CYP39A1: variants seen among roughly 807,000 people sequenced by gnomAD.
CYP39A1 encodes the protein cytochrome P450 family 39 subfamily A member 1.
A neutral mutation model predicts 58.1 loss-of-function variants in CYP39A1; 49 were observed. That is an observed-to-expected ratio of 0.84 (90% confidence interval 0.67 to 1.07). The LOEUF (loss-of-function observed/expected upper bound fraction) is 1.07, where lower values mean the gene tolerates loss of function less well. Among genes scored for constraint, CYP39A1 ranks in the 50% least tolerant of loss-of-function variants. The pLI is 0.00. For synonymous variants in CYP39A1, 209 were observed against 187.6 expected (o/e 1.11, Z -0.93); for missense variants, 531 against 539.4 (o/e 0.98, Z 0.16).
At chr6:46,550,530 A>T in intron 11 of CYP39A1, 93 bp from the exon 12 acceptor site, 1 of 1,168,630 alleles carries the variant, frequency 8.6e-7, no homozygotes, top group Non-Finnish European at 1.2e-6. Context: ...TTCTCTAAAA[A>T]GTACAAAATT....
At chr6:46,566,950 C>T (rs1012765614) in intron 10 of CYP39A1, among the ~76,000 whole-genome samples, 1 of 151,904 alleles carries the variant, frequency 6.6e-6, no homozygotes, top group Admixed American at 6.6e-5. Flanking sequence ...TTAACATATC[C>T]GTCACCTCAT....
rs184552036 is a variant in CYP39A1 at position 46,557,208 on chromosome 6, C to T, written c.1251-3354G>A. On this transcript the variant is annotated intron_variant, in intron 10 of 11. Coordinates refer to ENST00000275016, the MANE Select transcript of CYP39A1 (RefSeq NM_016593.5). ...AATAGGTTATTAACTTATAAAATAA[C>T]GAAGTCTAACATACATGTTATTAGA... Among the ~76,000 whole-genome samples, 94 of 151,848 alleles carry T rather than the reference C, an allele frequency of 6.2e-4. 1 individual carries two copies. The highest frequency in any genetic ancestry group is 1.0e-3 in the Non-Finnish European group (71 of 67,962).
chr6:46,554,201 G>C (rs1770554034), intron 10 of CYP39A1, among the ~76,000 whole-genome samples: 1 of 152,162 alleles, frequency 6.6e-6, no homozygotes, highest in South Asian at 2.1e-4. Context: ...TAATAAATAA[G>C]TTTAAGATTA....
At chr6:46,613,645 C>T (rs1055520678) in intron 7 of CYP39A1, among the ~76,000 whole-genome samples, 2 of 149,302 alleles carry the variant, frequency 1.3e-5, no homozygotes, top group African/African-American at 4.9e-5. Context: ...TGTTAAAAAG[C>T]ATAGGTGGAA....
At chr6:46,562,442 A>T (rs1275966456) in intron 10 of CYP39A1, among the ~76,000 whole-genome samples, 3 of 152,128 alleles carry the variant, frequency 2.0e-5, no homozygotes, top group African/African-American at 7.2e-5. Flanking sequence ...ATCATATAGT[A>T]CATCATAATT....
chr6:46,560,678 T>C (rs2150482815), intron 10 of CYP39A1, among the ~76,000 whole-genome samples: 2 of 152,212 alleles, frequency 1.3e-5, no homozygotes, highest in Middle Eastern at 6.8e-3. Context: ...GGGTCAGAGA[T>C]AGAAGATTTA....
chr6:46,628,621 A>G (rs1253096823), intron 6 of CYP39A1, among the ~76,000 whole-genome samples: 2 of 152,162 alleles, frequency 1.3e-5, no homozygotes, highest in African/African-American at 4.8e-5. Flanking sequence ...TCTGAGTCCT[A>G]TGGGCCTTGA....
At chr6:46,604,045 G>A (rs1773679564) in intron 7 of CYP39A1, among the ~76,000 whole-genome samples, 1 of 152,140 alleles carries the variant, frequency 6.6e-6, no homozygotes, top group Admixed American at 6.5e-5. Context: ...CTTTCCCTAA[G>A]AGGTAGTCTA....
At chr6:46,639,231 C>T (rs1294885305) in intron 3 of CYP39A1, among the ~76,000 whole-genome samples, 1 of 151,958 alleles carries the variant, frequency 6.6e-6, no homozygotes, top group Non-Finnish European at 1.5e-5. Flanking sequence ...TAAATTACTG[C>T]AAATGTATTA....
intron 10 of CYP39A1, among the ~76,000 whole-genome samples, chr6:46,555,351 A>G (rs1305432155): frequency 6.6e-6 from 1 of 152,226 alleles, no homozygotes; most frequent in African/African-American, 2.4e-5. Context: ...TCTTAGCCAC[A>G]GCTGCTACTG....
At chr6:46,607,189 C>G (rs1371617493) in intron 7 of CYP39A1, among the ~76,000 whole-genome samples, 1 of 152,054 alleles carries the variant, frequency 6.6e-6, no homozygotes, top group Non-Finnish European at 1.5e-5. Context: ...ATCCTGGAAA[C>G]AAGAACACAC....
At chr6:46,554,430 C>T (rs566982468) in intron 10 of CYP39A1, among the ~76,000 whole-genome samples, 1 of 152,290 alleles carries the variant, frequency 6.6e-6, no homozygotes, top group South Asian at 2.1e-4. Context: ...TCCCCAGGAC[C>T]TCTAAATCCA....
At chr6:46,557,371 T>C (rs909013746) in intron 10 of CYP39A1, among the ~76,000 whole-genome samples, 15 of 151,782 alleles carry the variant, frequency 9.9e-5, no homozygotes, top group Non-Finnish European at 1.5e-4. Context: ...CTGGGTGCAG[T>C]GGTTCATGCC....
intron 2 of CYP39A1, among the ~76,000 whole-genome samples, 157 bp from the exon 3 acceptor site, chr6:46,639,825 C>A (rs940546552): frequency 6.6e-6 from 1 of 152,160 alleles, no homozygotes; most frequent in Non-Finnish European, 1.5e-5. Flanking sequence ...AAGATTCAAC[C>A]TATTCTCGAC....
intron 7 of CYP39A1, among the ~76,000 whole-genome samples, chr6:46,614,109 A>C (rs1390339647): frequency 3.3e-5 from 5 of 152,152 alleles, no homozygotes; most frequent in African/African-American, 7.2e-5. Flanking sequence ...GATACTAAAT[A>C]GCTTAATGTC....
At chr6:46,551,061 G>A (rs1193613249) in intron 11 of CYP39A1, among the ~76,000 whole-genome samples, 1 of 151,838 alleles carries the variant, frequency 6.6e-6, no homozygotes, top group African/African-American at 2.4e-5. Flanking sequence ...GAGGTTTAGG[G>A]GATTAAAAAA....
chr6:46,598,512 T>C (rs537174388), intron 7 of CYP39A1, among the ~76,000 whole-genome samples: 2 of 152,178 alleles, frequency 1.3e-5, no homozygotes, highest in South Asian at 2.1e-4. Flanking sequence ...AGGGGTACCA[T>C]ACATTTTACT....
At chr6:46,642,743 C>T (rs773468940) in intron 1 of CYP39A1, among the ~76,000 whole-genome samples, 1 of 152,162 alleles carries the variant, frequency 6.6e-6, no homozygotes, top group Non-Finnish European at 1.5e-5. Context: ...CAATCCTATA[C>T]ACTTTTCTAA....
intron 10 of CYP39A1, among the ~76,000 whole-genome samples, chr6:46,560,701 TC>T (rs558945676): frequency 7.4e-4 from 113 of 151,678 alleles, no homozygotes; most frequent in Non-Finnish European, 1.4e-3. Flanking sequence ...AATATAAGAG[TC>T]ATCATTATTT....
Sources: gnomAD v4.1 joint callset for allele counts (sites outside exome capture counted in the v4.1 genomes callset) on GRCh38, gnomAD v4.1.1 for gene constraint, MANE v1.5 for transcripts, NCBI Gene and HGNC (gene_info 2026-07-23, HGNC 2026-07-21) for gene names.